FAM117A: variants seen among roughly 807,000 people sequenced by gnomAD.
FAM117A encodes the protein protein FAM117A.
In FAM117A, 21 loss-of-function variants were observed where a neutral mutation model predicts 44.1. That is an observed-to-expected ratio of 0.48 (90% CI 0.34 to 0.69). FAM117A has a LOEUF of 0.69. Ranked by LOEUF, FAM117A falls within the 30% of genes least tolerant of loss-of-function variation. The pLI is 0.01. For synonymous variants in FAM117A, 220 were observed against 238.3 expected, an observed-to-expected ratio of 0.92 and a Z score of 0.71; for missense variants, 498 against 589.9, an observed-to-expected ratio of 0.84 and a Z score of 1.61.
chr17:49,718,234 T>G lies in FAM117A; in HGVS notation c.709-520A>C, dbSNP rs147353828. Among the ~76,000 whole-genome samples the G allele has an allele frequency of 2.0e-4, 30 of 152,334 alleles. 1 individual carries two copies. Among genetic ancestry groups the G allele is most frequent in the South Asian group, 2.1e-4 (1 of 4,820 alleles). Reference sequence around the variant, plus strand: ...AGCTCACCAAATTATGTGCATGTGTTTGGGTATATGTAAAATCCTGCATAC... The same window carrying G: ...AGCTCACCAAATTATGTGCATGTGTGTGGGTATATGTAAAATCCTGCATAC... On this transcript the variant is annotated intron_variant, in intron 5 of 7. Transcript: ENST00000240364.
intron 1 of FAM117A, among the ~76,000 whole-genome samples, chr17:49,763,256 T>C (rs1466280556): frequency 6.6e-6 from 1 of 151,792 alleles, no homozygotes; most frequent in Non-Finnish European, 1.5e-5. Flanking sequence ...GGGAGAAGAA[T>C]GCAGGGAGCT....
chr17:49,719,803 T>A lies in FAM117A; in HGVS notation c.665A>T (p.Glu222Val), dbSNP rs750957462. 1.9e-5 allele frequency: 30 copies of A among 1,604,558 alleles called. No individual in the cohort carries two copies. Among genetic ancestry groups the A allele is most frequent in the Non-Finnish European group, 2.6e-5 (30 of 1,176,368 alleles). ...RSLEGLNQEL[E>V]EVFVKEQGEE... ...TCCCTGCTCCTTCACAAATACCTCC[T>A]CCAGCTCTTGGTTGAGCCCTTCCAG... Residue 222 changes from glutamate (E) to valine (V), a missense_variant, in exon 5 of 8, where the codon GAG (glutamate) becomes GTG (valine). Glu to Val is a moderately radical substitution (Grantham distance 121). Around this residue, in one of 3 missense-constraint regions of FAM117A, gnomAD observed 4 missense variants for 16.0 expected, o/e 0.25. Coordinates refer to ENST00000240364, the MANE Select transcript of FAM117A (RefSeq NM_030802.4).
intron 1 of FAM117A, among the ~76,000 whole-genome samples, chr17:49,757,154 T>C (rs1311327372): frequency 6.6e-6 from 1 of 151,678 alleles, no homozygotes; most frequent in Non-Finnish European, 1.5e-5. Context: ...ACTGCTAATG[T>C]GTAGGCAGAG....
In FAM117A at chr17:49,711,388, G is replaced by A. The variant is rs919475497; in HGVS notation, c.1229C>T (p.Pro410Leu). ...NCPSNPGSPL[P>L]PASPRPPPRK... ...AGGTGGTGGCCTGGGGCTGGCCGGG[G>A]GAAGGGGAGATCCCGGGTTTGAGGG... The change falls in exon 8 of 8, where the codon CCC (proline) becomes CTC (leucine). Residue 410 changes from proline to leucine, a missense_variant. By Grantham distance (98) the Pro-to-Leu change is moderately conservative. Transcript: ENST00000240364. 2.5e-6 allele frequency: 4 copies of A among 1,612,492 alleles called. No homozygotes were observed. In the African/African-American group the frequency reaches 5.3e-5, roughly 22 times the overall value.
At chr17:49,778,902 G>A (rs749053596) in intron 1 of FAM117A, among the ~76,000 whole-genome samples, 6 of 152,244 alleles carry the variant, frequency 3.9e-5, no homozygotes, top group Non-Finnish European at 8.8e-5. Context: ...TGTGCAATAA[G>A]AGCATGGCAG....
At chr17:49,723,277 T>C (rs2073543851) in intron 2 of FAM117A, among the ~76,000 whole-genome samples, 2 of 152,080 alleles carry the variant, frequency 1.3e-5, no homozygotes, top group African/African-American at 4.8e-5. Flanking sequence ...CTCTTGGCCT[T>C]ATCACTCCTT....
At chr17:49,769,473 T>C (rs1185345194) in intron 1 of FAM117A, among the ~76,000 whole-genome samples, 2 of 151,522 alleles carry the variant, frequency 1.3e-5, no homozygotes, top group Non-Finnish European at 2.9e-5. Flanking sequence ...CCGAAGCAGG[T>C]GGATCACGAG....
At chr17:49,761,503 T>C (rs946116902) in intron 1 of FAM117A, among the ~76,000 whole-genome samples, 2 of 152,222 alleles carry the variant, frequency 1.3e-5, no homozygotes, top group African/African-American at 2.4e-5. Flanking sequence ...TTAATTCTTA[T>C]GATATAGATA....
chr17:49,777,749 C>G (rs2073779141), intron 1 of FAM117A, among the ~76,000 whole-genome samples: 1 of 152,170 alleles, frequency 6.6e-6, no homozygotes, highest in Non-Finnish European at 1.5e-5. Flanking sequence ...AATGGCCTCC[C>G]TGCTGTGGGC....
intron 1 of FAM117A, among the ~76,000 whole-genome samples, chr17:49,751,279 CA>C (rs746063068): frequency 0.039 from 1,659 of 42,558 alleles, 7 homozygotes; most frequent in Non-Finnish European, 0.044. Flanking sequence ...AATCTGTCTC[CA>C]AAAAAAAAAA....
intron 1 of FAM117A, among the ~76,000 whole-genome samples, chr17:49,782,555 T>G (rs978965314): frequency 2.0e-5 from 3 of 151,376 alleles, no homozygotes; most frequent in Non-Finnish European, 4.4e-5. Flanking sequence ...CCGGGCATGG[T>G]GGCACGCACC....
At chr17:49,714,178 G>A (rs1361094023) in intron 7 of FAM117A, among the ~76,000 whole-genome samples, 3 of 152,156 alleles carry the variant, frequency 2.0e-5, no homozygotes, top group Non-Finnish European at 1.5e-5. Flanking sequence ...GATGATCTTG[G>A]AGGGGACAAC....
At chr17:49,732,474 G>A (rs1213148180) in intron 2 of FAM117A, 77 bp downstream of exon 2, 1 of 1,385,002 alleles carries the variant, frequency 7.2e-7, no homozygotes, top group African/African-American at 1.4e-5. Flanking sequence ...AATGACTTGA[G>A]GAAGACCAAA....
intron 1 of FAM117A, among the ~76,000 whole-genome samples, chr17:49,740,439 C>T (rs545576180): frequency 6.6e-6 from 1 of 152,230 alleles, no homozygotes; most frequent in East Asian, 1.9e-4. Context: ...TTAGTAGAGA[C>T]GGGGTTTCAC....
At chr17:49,717,435 T>TTA (rs2073509394) in intron 6 of FAM117A, 78 bp downstream of exon 6, 16 of 1,274,886 alleles carry the variant, frequency 1.3e-5, no homozygotes, top group Non-Finnish European at 1.8e-5. Flanking sequence ...AGGCCTGAAT[T>TTA]GACTAGAGGT....
At chr17:49,758,639 AAATAAATAAATAAAT>A (rs1567835867) in intron 1 of FAM117A, among the ~76,000 whole-genome samples, 1 of 35,096 alleles carries the variant, frequency 2.8e-5, no homozygotes, top group African/African-American at 1.1e-4. Context: ...AAAAAAAATA[AAATAAATAAATAAAT>A]AAATAAATAA....
chr17:49,728,724 A>C (rs957239938), intron 2 of FAM117A, among the ~76,000 whole-genome samples: 3 of 152,180 alleles, frequency 2.0e-5, no homozygotes, highest in Non-Finnish European at 4.4e-5. Flanking sequence ...TACTGCCCTC[A>C]CCCACCCTGG....
chr17:49,771,409 T>C (rs1195879508), intron 1 of FAM117A, among the ~76,000 whole-genome samples: 1 of 152,078 alleles, frequency 6.6e-6, no homozygotes, highest in Non-Finnish European at 1.5e-5. Flanking sequence ...GCCCTTATGA[T>C]ATCCCTAAAG....
intron 1 of FAM117A, among the ~76,000 whole-genome samples, chr17:49,763,666 A>C (rs1598035115): frequency 7.1e-6 from 1 of 140,938 alleles, no homozygotes; most frequent in African/African-American, 2.7e-5. Context: ...CCCTCCCCTC[A>C]CCTCCGGGAC....
Sources: allele counts gnomAD v4.1 joint callset (sites outside exome capture counted in the v4.1 genomes callset), GRCh38; gene constraint gnomAD v4.1.1; regional missense constraint gnomAD v4.1.1; transcripts MANE v1.5; gene names NCBI Gene and HGNC (gene_info 2026-07-23, HGNC 2026-07-21).